The following PTCH2 variants were observed in gnomAD, a reference collection of about 807,000 sequenced individuals.
The protein encoded by PTCH2 is patched 2, also known as protein patched homolog 2.
Under a neutral mutation model 117.9 loss-of-function variants are expected in PTCH2, and 96 were observed. That is an observed-to-expected ratio of 0.81 (90% CI 0.69 to 0.96). The LOEUF is 0.96. Ranked by LOEUF, PTCH2 falls within the 50% of genes least tolerant of loss-of-function variation. PTCH2 has a pLI of 0.00. For synonymous variants in PTCH2, 615 were observed against 660.9 expected (o/e 0.93, Z 1.06); for missense variants, 1,379 against 1,562.5 (o/e 0.88, Z 1.98).
At chr1:44,828,878 A>C in intron 11 of PTCH2, 104 bp downstream of exon 11, 1 of 1,322,806 alleles carries the variant, frequency 7.6e-7, no homozygotes, top group Non-Finnish European at 1.1e-6. Context: ...AGATGGGGAC[A>C]AGAGGCACCG....
Position 44,832,180 on chromosome 1 carries a change from T to A in PTCH2, c.427A>T (p.Ser143Cys). The A allele has an allele frequency of 6.2e-7, 1 of 1,614,182 alleles. No individual in the cohort carries two copies. Among genetic ancestry groups the A allele is most frequent in the East Asian group, 2.2e-5 (1 of 44,878 alleles). ...CCATAGAGTGATACTTGGACTTTAC[T>A]GGCAGTGAGGGCTGCCTGGAGGTGG... The part of the protein sequence containing the change: ...GLHLQAALTA[S>C]KVQVSLYGKS... Residue 143 changes from serine to cysteine, a missense_variant, in exon 3 of 22, where the codon AGT (serine) becomes TGT (cysteine). By Grantham distance (112) the Ser-to-Cys change is moderately radical. Coordinates refer to ENST00000372192, the MANE Select transcript of PTCH2 (RefSeq NM_003738.5).
intron 15 of PTCH2, 37 bp from the exon 16 acceptor site, chr1:44,827,346 G>A: frequency 1.2e-6 from 2 of 1,613,476 alleles, no homozygotes; most frequent in East Asian, 2.2e-5. Context: ...TTAGCTGGTG[G>A]CCCCAGGGCG....
At position 44,829,970 on chromosome 1, in the gene PTCH2, G is replaced by T. The variant is rs1484573562; in HGVS notation, c.874C>A (p.His292Asn). 2 of 1,614,032 alleles carry T rather than the reference G, an allele frequency of 1.2e-6. No individual in the cohort carries two copies. The highest frequency in any genetic ancestry group is 1.7e-6 in the Non-Finnish European group (2 of 1,180,022). ...GCHGFSHKFM[H>N]WQEELLLGGM... is the part of the protein sequence containing the mutation. ...CCCAGCAGCAATTCCTCCTGCCAGT[G>T]CATGAATTTGTGGGAGAAGCCATGG... The change falls in exon 7 of 22, where the codon CAC becomes AAC. Residue 292 changes from histidine (H) to asparagine (N), a missense_variant. Physicochemically the swap from His to Asn is moderately conservative, Grantham distance 68. Transcript: ENST00000372192.
downstream of PTCH2, chr1:44,819,941 C>T (rs184930641): frequency 1.9e-3 from 288 of 153,466 alleles, 2 homozygotes; most frequent in Admixed American, 3.7e-3. Context: ...TTTCTCTCCA[C>T]GGAAATCTTT....
Position 44,832,351 on chromosome 1 carries a change from CAA to C in PTCH2, c.266-12_266-11del, listed in dbSNP as rs774995701. The C allele has an allele frequency of 5.6e-6, 9 of 1,613,856 alleles. No individual in the cohort carries two copies. Among genetic ancestry groups the C allele is most frequent in the Non-Finnish European group, 7.6e-6 (9 of 1,179,994 alleles). Reference sequence around the variant, plus strand: ...CTCACCCGGCTGCCCACTGCCAGAGCAAACAGAGAAAGCTGGGGGGGAAAGGG... The same window carrying C: ...CTCACCCGGCTGCCCACTGCCAGAGCACAGAGAAAGCTGGGGGGGAAAGGG... On this transcript the variant is annotated splice_polypyrimidine_tract_variant and intron_variant, in intron 2 of 21. Coordinates refer to ENST00000372192, the MANE Select transcript of PTCH2 (RefSeq NM_003738.5).
chr1:44,830,527 G>A (rs1251240643), intron 6 of PTCH2, among the ~76,000 whole-genome samples: 4 of 141,654 alleles, frequency 2.8e-5, no homozygotes, highest in South Asian at 2.2e-4. Flanking sequence ...TGCTTGAGCC[G>A]AGGTTGCAGT....
chr1:44,827,056 T>A lies in PTCH2; in HGVS notation c.2541A>T (p.Arg847Ser). Residue 847 changes from arginine (R) to serine (S), a missense_variant, in exon 17 of 22, where the codon AGA becomes AGT. Physicochemically the swap from Arg to Ser is moderately radical, Grantham distance 110. Transcript: ENST00000372192. ...AGAGCTCGGGTGGAATCAGTCCCTC[T>A]CTGTCCACCAGCTTCCTTGTGGTCA... ...SQLTTRKLVD[R>S]EGLIPPELFY... 2.5e-6 allele frequency: 4 copies of A among 1,614,124 alleles called. No individual in the cohort carries two copies. Among genetic ancestry groups the A allele is most frequent in the Non-Finnish European group, 3.4e-6 (4 of 1,180,020 alleles).
chr1:44,840,591 A>G (rs184644794), intron 2 of PTCH2, among the ~76,000 whole-genome samples: 5 of 151,904 alleles, frequency 3.3e-5, no homozygotes, highest in South Asian at 2.1e-4. Flanking sequence ...CCCACCTGTA[A>G]TCTCAGCTAC....
chr1:44,832,682 G>A (rs376154434), intron 2 of PTCH2, among the ~76,000 whole-genome samples: 2 of 152,318 alleles, frequency 1.3e-5, no homozygotes, highest in East Asian at 3.9e-4. Context: ...GGGTTGTAGG[G>A]GCATCTTGGT....
intron 2 of PTCH2, among the ~76,000 whole-genome samples, chr1:44,837,191 C>T (rs2148883294): frequency 6.6e-6 from 1 of 152,162 alleles, no homozygotes; most frequent in South Asian, 2.1e-4. Flanking sequence ...TCCTTCTTCC[C>T]TTCTTCCTTT....
Position 44,828,567 on chromosome 1 carries a change from A to G in PTCH2, c.1529T>C (p.Met510Thr). 6.2e-7 allele frequency: 1 copy of G among 1,614,040 alleles called. No individual in the cohort carries two copies. Among genetic ancestry groups the G allele is most frequent in the Non-Finnish European group, 8.5e-7 (1 of 1,179,938 alleles). Residue 510 changes from methionine to threonine, a missense_variant, in exon 12 of 22, where the codon ATG becomes ACG. By Grantham distance (81) the Met-to-Thr change is moderately conservative. Coordinates refer to ENST00000372192, the MANE Select transcript of PTCH2 (RefSeq NM_003738.5). Reference protein sequence around the residue: ...TSVVLTSINNMAAFLMAALVP... With the variant: ...TSVVLTSINNTAAFLMAALVP... ...GAGGGCAGCCATGAGGAAGGCGGCC[A>G]TGTTGTTGATGGATGTGAGTACGAC...
In PTCH2 at chr1:44,841,940, C is replaced by G. The variant is rs563526229; in HGVS notation, c.172G>C (p.Val58Leu). ...AAGGCCAACAGTCCCAGAAAGAGCA[C>G]TTTGCCACAATGTCTCTGGATCCCG... The part of the protein sequence containing the change: ...GCGIQRHCGK[V>L]LFLGLLAFGA... Residue 58 changes from valine to leucine, a missense_variant, in exon 2 of 22, where the codon GTG becomes CTG. By Grantham distance (32) the Val-to-Leu change is conservative. Transcript: ENST00000372192. The G allele has an allele frequency of 1.9e-6, 3 of 1,614,220 alleles. No homozygotes were observed. The highest frequency in any genetic ancestry group is 2.2e-5 in the East Asian group (1 of 44,888).
chr1:44,827,536 C>G lies in PTCH2; in HGVS notation c.2237G>C (p.Gly746Ala), dbSNP rs2148875429. 2 of 1,614,096 alleles carry G rather than the reference C, an allele frequency of 1.2e-6. No individual in the cohort carries two copies. The highest frequency in any genetic ancestry group is 1.7e-6 in the Non-Finnish European group (2 of 1,180,010). ...LYEVALVTQGGFDYAHSQRAL... is the reference protein window; with the variant it reads ...LYEVALVTQGAFDYAHSQRAL... ...GCGTTGGGAGTGGGCGTAGTCAAAG[C>G]CACCCTGGGTCACCAGGGCCACCTC... The change falls in exon 15 of 22, where the codon GGC becomes GCC. Residue 746 changes from glycine (G) to alanine (A), a missense_variant. Gly to Ala is a moderately conservative substitution (Grantham distance 60, BLOSUM62 0). Transcript: ENST00000372192.
chr1:44,838,834 C>T lies in PTCH2; in HGVS notation c.265+3013G>A, dbSNP rs376160581. 6.6e-5 allele frequency among the ~76,000 whole-genome samples: 10 copies of T among 152,272 alleles called. No individual in the cohort carries two copies. In the East Asian group the frequency reaches 1.7e-3, roughly 26 times the overall value. On this transcript the variant is annotated intron_variant, in intron 2 of 21. Transcript: ENST00000372192. ...TCCTGGGCTCAAGCGATTCTCCTGC[C>T]TCAGCCTCTGGAGTAGCTGGGACTA...
rs917619041 is a variant in PTCH2 at position 44,822,574 on chromosome 1, C to G, written c.3453G>C (p.Gln1151His). ...TGGAGGTAGTCACTCTGGCAAAGCT[C>G]TGGGGCAGGGAGGAGGATGCCCCCC... ...LRWGASSSLP[Q>H]SFARVTTSMT... The change falls in exon 22 of 22, where the codon CAG becomes CAC. Residue 1151 changes from glutamine (Q) to histidine (H), a missense_variant. Coordinates refer to ENST00000372192, the MANE Select transcript of PTCH2 (RefSeq NM_003738.5). 1 of 1,614,094 alleles carries G rather than the reference C, an allele frequency of 6.2e-7. No individual in the cohort carries two copies. Among genetic ancestry groups the G allele is most frequent in the Middle Eastern group, 1.6e-4 (1 of 6,062 alleles).
In PTCH2 at chr1:44,826,956, G is replaced by T; in HGVS notation, c.2641C>A (p.Pro881Thr). 1 of 1,614,086 alleles carries T rather than the reference G, an allele frequency of 6.2e-7. No homozygotes were observed. Among genetic ancestry groups the T allele is most frequent in the Non-Finnish European group, 8.5e-7 (1 of 1,180,024 alleles). Reference protein sequence around the residue: ...LAASQANFYPPPPEWLHDKYD... With the variant: ...LAASQANFYPTPPEWLHDKYD... The stretch of plus-strand genomic sequence containing the variant: ...TTGTCGTGCAGCCATTCAGGAGGTG[G>T]GGGGTAGAAGTTGGCCTGTGAGGCT... The change falls in exon 17 of 22, where the codon CCA becomes ACA. Residue 881 changes from proline to threonine, a missense_variant. Coordinates refer to ENST00000372192, the MANE Select transcript of PTCH2 (RefSeq NM_003738.5). The surrounding 1 kb of genome is among the most constrained non-coding windows in gnomAD (Gnocchi z 5.1).
At position 44,822,331 on chromosome 1, in the gene PTCH2, T is replaced by A. The variant is rs1351801628; in HGVS notation, c.*84A>T. 3 of 1,604,430 alleles carry A rather than the reference T, an allele frequency of 1.9e-6. No homozygotes were observed. Among genetic ancestry groups the A allele is most frequent in the East Asian group, 4.5e-5 (2 of 44,870 alleles). Reference sequence around the variant, plus strand: ...CAGCAGCAGCAGGGCCCTCCAGGGGTCCATCCTGCGTCTAACACCAGACCC... The same window carrying A: ...CAGCAGCAGCAGGGCCCTCCAGGGGACCATCCTGCGTCTAACACCAGACCC... On this transcript the variant is annotated 3_prime_UTR_variant, in exon 22 of 22. Transcript: ENST00000372192.
Position 44,843,084 on chromosome 1 carries a change from G to A in PTCH2, c.-152C>T. The A allele has an allele frequency of 7.1e-7, 1 of 1,399,776 alleles. No individual in the cohort carries two copies. The highest frequency in any genetic ancestry group is 9.3e-7 in the Non-Finnish European group (1 of 1,080,318). The allele number at this position is 1,399,776 out of a possible 1,614,324, so 86.7% of individuals were successfully genotyped here. A position where few individuals can be genotyped will look rare whatever the true frequency, so the allele number is the denominator to read the frequency against. ...GTGGGAGAGACTGTGGGGTGTGGGT[G>A]TTAAAGCGGCTGGGAGGGAGGAGTG... On this transcript the variant is annotated 5_prime_UTR_variant, in exon 1 of 22. Coordinates refer to ENST00000372192, the MANE Select transcript of PTCH2 (RefSeq NM_003738.5).
At chr1:44,839,218 CAA>C (rs1206238274) in intron 2 of PTCH2, among the ~76,000 whole-genome samples, 1 of 151,728 alleles carries the variant, frequency 6.6e-6, no homozygotes, top group Non-Finnish European at 1.5e-5. Flanking sequence ...ACTAAAAATA[CAA>C]AAAAATTAGC....
Sources: gnomAD v4.1 joint callset for allele counts (sites outside exome capture counted in the v4.1 genomes callset) on GRCh38, gnomAD v4.1.1 for gene constraint, Gnocchi (gnomAD v3.1) non-coding constraint, MANE v1.5 for transcripts, NCBI Gene and HGNC (gene_info 2026-07-23, HGNC 2026-07-21) for gene names.